The following ZYG11B variants were observed in gnomAD, a reference collection of about 807,000 sequenced individuals.
ZYG11B encodes protein zyg-11 homolog B.
ZYG11B carries 36 observed loss-of-function variants against 82.4 expected under a neutral mutation model. The observed-to-expected ratio is 0.44, with a 90% CI of 0.33 to 0.58. ZYG11B has a LOEUF of 0.58. Ranked by LOEUF, ZYG11B falls within the 20% of genes least tolerant of loss-of-function variation. The pLI, the probability that ZYG11B is intolerant of heterozygous loss-of-function variation, is 0.02. For synonymous variants in ZYG11B, 303 were observed against 312.8 expected (o/e 0.97, Z 0.33); for missense variants, 552 against 895.6 (o/e 0.62, Z 4.90).
rs764938313 is a variant in ZYG11B at position 52,771,785 on chromosome 1, A to T, written c.951+11A>T. On this transcript the variant is annotated intron_variant, in intron 3 of 13. Transcript: ENST00000294353. This position sits in a 1 kb window ranked among gnomAD's most constrained non-coding sequence, Gnocchi z 5.4. ...GAAGGACATTTGAAGGTTAGACTTT[A>T]AAAATGTATTATTTTGTCAGGCTGA... 1.9e-6 allele frequency: 3 copies of T among 1,594,724 alleles called. No individual in the cohort carries two copies. The African/African-American group carries it at 4.1e-5, about 22-fold the overall frequency.
rs1227322274 is a variant in ZYG11B, at chr1:52,825,044, A to C, written c.*3415A>C. ...CATTAAGGAAATCTAAAGGAAATGG[A>C]ATTTGACTTTTTAGAGTATAATGAT... On this transcript the variant is annotated 3_prime_UTR_variant, in exon 14 of 14. Coordinates refer to ENST00000294353, the MANE Select transcript of ZYG11B (RefSeq NM_024646.3). The C allele has an allele frequency of 6.6e-6, 1 of 152,136 alleles. No homozygotes were observed. Among genetic ancestry groups the C allele is most frequent in the Non-Finnish European group, 1.5e-5 (1 of 68,026 alleles). 9.4% of individuals were successfully genotyped at this position (152,136 alleles called of 1,614,324 possible). A position where few individuals can be genotyped will look rare whatever the true frequency, so the allele number is the denominator to read the frequency against.
intron 11 of ZYG11B, 42 bp from the exon 12 acceptor site, chr1:52,813,818 A>G (rs1015254296): frequency 6.2e-7 from 1 of 1,613,908 alleles, no homozygotes; most frequent in African/African-American, 1.3e-5. Flanking sequence ...GCAGTGCTAA[A>G]TAAATATTGT....
chr1:52,818,633 G>C (rs72895444), intron 13 of ZYG11B, among the ~76,000 whole-genome samples: 2,637 of 152,064 alleles, frequency 0.017, 54 homozygotes, highest in African/African-American at 0.06. Flanking sequence ...AGATGGGGAG[G>C]GGAGAGAATT....
chr1:52,825,728 T>C lies in ZYG11B; in HGVS notation c.*4099T>C, dbSNP rs974612711. 4 of 150,622 alleles carry C rather than the reference T, an allele frequency of 2.7e-5. No homozygotes were observed. The highest frequency in any genetic ancestry group is 5.9e-5 in the Non-Finnish European group (4 of 67,800). The allele number at this position is 150,622 out of a possible 1,614,324, so 9.3% of individuals were successfully genotyped here. ...GTTGCCCAGGCTGGTCTCGAACTCC[T>C]GGCCTCAAGTGACTTTCCCACCTCA... On this transcript the variant is annotated 3_prime_UTR_variant, in exon 14 of 14. Coordinates refer to ENST00000294353, the MANE Select transcript of ZYG11B (RefSeq NM_024646.3).
rs373841222 is a variant in ZYG11B, at chr1:52,796,274, C to T, written c.1335-18C>T. 1.2e-5 allele frequency: 20 copies of T among 1,602,760 alleles called. No individual in the cohort carries two copies. In the African/African-American group the frequency reaches 2.5e-4, roughly 20 times the overall value. On this transcript the variant is annotated intron_variant, in intron 6 of 13. Transcript: ENST00000294353. ...GGGCCTCCACGATTAATTCATGAAA[C>T]CCTTTTTGTGTTTTCAGGTTTGAAG...
At chr1:52,769,161 G>A (rs193285145) in intron 2 of ZYG11B, among the ~76,000 whole-genome samples, 3 of 152,208 alleles carry the variant, frequency 2.0e-5, no homozygotes, top group Admixed American at 2.0e-4. Flanking sequence ...AACATTTAGA[G>A]TACTTGACAT....
intron 1 of ZYG11B, among the ~76,000 whole-genome samples, chr1:52,751,687 G>A (rs1261110511): frequency 6.6e-6 from 1 of 151,990 alleles, no homozygotes; most frequent in African/African-American, 2.4e-5. Flanking sequence ...TTTCTTGCAC[G>A]TTAGCTCCCA....
At chr1:52,776,063 A>C (rs1046083352) in intron 3 of ZYG11B, among the ~76,000 whole-genome samples, 44 of 148,318 alleles carry the variant, frequency 3.0e-4, no homozygotes, top group Admixed American at 2.6e-3. Flanking sequence ...TAAAAATCCC[A>C]AAAAAATTAG....
intron 6 of ZYG11B, among the ~76,000 whole-genome samples, chr1:52,794,201 C>T (rs1201741404): frequency 6.6e-6 from 1 of 152,088 alleles, no homozygotes; most frequent in Non-Finnish European, 1.5e-5. Context: ...GTCTCTATCT[C>T]TTGACCTTGT....
intron 10 of ZYG11B, among the ~76,000 whole-genome samples, chr1:52,802,340 C>CTGTTTTTT (rs1645082371): frequency 1.3e-5 from 1 of 78,072 alleles, no homozygotes; most frequent in Non-Finnish European, 2.3e-5. Flanking sequence ...TTCTTTCTCT[C>CTGTTTTTT]TTTTTTTTTT....
chr1:52,825,332 G>A lies in ZYG11B; in HGVS notation c.*3703G>A, dbSNP rs1038788363. The stretch of plus-strand genomic sequence containing the variant: ...TCAAGCCGATGACTCCATGGCTACT[G>A]ATATTAGTTAGTTTAGGATTTTTAA... On this transcript the variant is annotated 3_prime_UTR_variant, in exon 14 of 14. Transcript: ENST00000294353. 7.9e-5 allele frequency: 12 copies of A among 152,038 alleles called. No individual in the cohort carries two copies. Among genetic ancestry groups the A allele is most frequent in the African/African-American group, 2.9e-4 (12 of 41,382 alleles). The allele number at this position is 152,038 out of a possible 1,614,324, so 9.4% of individuals were successfully genotyped here.
intron 1 of ZYG11B, among the ~76,000 whole-genome samples, chr1:52,745,378 T>G (rs1165198075): frequency 6.6e-6 from 1 of 152,204 alleles, no homozygotes; most frequent in East Asian, 1.9e-4. Flanking sequence ...CTTTTTTGCC[T>G]TGTCTTCATT....
In ZYG11B at chr1:52,817,789, A is replaced by ATATATATG. The variant is rs1454701568; in HGVS notation, c.2044+1167_2044+1168insGTATATAT. 3.7e-4 allele frequency among the ~76,000 whole-genome samples: 12 copies of ATATATATG among 32,680 alleles called. 1 individual carries two copies. In the East Asian group the frequency reaches 4.5e-3, roughly 12 times the overall value. The allele number at this position is 32,680 out of a possible 152,430, so 21.4% of individuals were successfully genotyped here. On this transcript the variant is annotated intron_variant, in intron 13 of 13. Coordinates refer to ENST00000294353, the MANE Select transcript of ZYG11B (RefSeq NM_024646.3). ...TGTATATATATGTGTATATATATAT[A>ATATATATG]TATATATATATATATATATATATAT...
chr1:52,779,285 T>C (rs1644835535), intron 3 of ZYG11B, among the ~76,000 whole-genome samples: 2 of 152,128 alleles, frequency 1.3e-5, no homozygotes, highest in African/African-American at 4.8e-5. Context: ...CTTATAATAG[T>C]GTTAAATATC....
At chr1:52,810,993 C>T (rs545640437) in intron 10 of ZYG11B, among the ~76,000 whole-genome samples, 1 of 146,866 alleles carries the variant, frequency 6.8e-6, no homozygotes, top group Admixed American at 6.9e-5. Context: ...GAGATCCTGC[C>T]ATTGCACTCC....
chr1:52,741,421 A>G (rs1163149715), intron 1 of ZYG11B, among the ~76,000 whole-genome samples: 1 of 152,094 alleles, frequency 6.6e-6, no homozygotes, highest in Non-Finnish European at 1.5e-5. Flanking sequence ...TCAATTTCTC[A>G]TAGGTACCTG....
At chr1:52,727,202 G>T (rs1052637189) in intron 1 of ZYG11B, among the ~76,000 whole-genome samples, 1 of 151,452 alleles carries the variant, frequency 6.6e-6, no homozygotes, top group Non-Finnish European at 1.5e-5. Flanking sequence ...GTCCTCGCTC[G>T]GTTCGCCGTC....
intron 12 of ZYG11B, among the ~76,000 whole-genome samples, chr1:52,814,955 C>T (rs1276077779): frequency 6.6e-6 from 1 of 151,656 alleles, no homozygotes; most frequent in African/African-American, 2.4e-5. Flanking sequence ...TCCAGGAGTT[C>T]GAGACCAGCT....
intron 8 of ZYG11B, among the ~76,000 whole-genome samples, chr1:52,797,399 ATG>A (rs1358405722): frequency 9.6e-6 from 1 of 104,704 alleles, no homozygotes; most frequent in African/African-American, 4.2e-5. Context: ...TATATCATAT[ATG>A]AAATATATAT....
Sources: gnomAD v4.1 joint callset for allele counts (sites outside exome capture counted in the v4.1 genomes callset) on GRCh38, gnomAD v4.1.1 for gene constraint, Gnocchi (gnomAD v3.1) non-coding constraint, MANE v1.5 for transcripts, NCBI Gene and HGNC (gene_info 2026-07-23, HGNC 2026-07-21) for gene names.